CETP: variants seen among roughly 807,000 people sequenced by gnomAD.
CETP encodes cholesteryl ester transfer protein, also known as BPI fold containing family F.
In CETP, 56 loss-of-function variants were observed where a neutral mutation model predicts 66.5. That is an observed-to-expected ratio of 0.84 (90% confidence interval 0.68 to 1.05). The LOEUF (loss-of-function observed/expected upper bound fraction) is 1.05. CETP is among the 50% of genes least tolerant of loss of function. CETP has a pLI of 0.00. For missense variants in CETP, 612 were observed against 609.6 expected (o/e 1.00, Z -0.04); for synonymous variants, 251 against 245.7 (o/e 1.02, Z -0.20).
chr16:56,974,417 C>T (rs2056135278), intron 9 of CETP, among the ~76,000 whole-genome samples: 1 of 152,152 alleles, frequency 6.6e-6, no homozygotes, highest in African/African-American at 2.4e-5. Flanking sequence ...CCACTGCACT[C>T]CAGTGTGGGT....
chr16:56,970,753 A>T (rs745564724), intron 5 of CETP, among the ~76,000 whole-genome samples: 1 of 152,176 alleles, frequency 6.6e-6, no homozygotes, highest in Non-Finnish European at 1.5e-5. Flanking sequence ...GAGCAGACGG[A>T]TACATGTATG....
At chr16:56,981,263 G>T (rs555830445) in intron 12 of CETP, 38 bp downstream of exon 12, 10 of 1,501,610 alleles carry the variant, frequency 6.7e-6, no homozygotes, top group Non-Finnish European at 9.3e-6. Context: ...GGTCAACTCC[G>T]CAAACCTCTC....
intron 2 of CETP, among the ~76,000 whole-genome samples, chr16:56,965,475 T>C (rs1440820603): frequency 6.6e-6 from 1 of 152,196 alleles, no homozygotes; most frequent in African/African-American, 2.4e-5. Flanking sequence ...TAGTGGCTTA[T>C]AATATGGGAT....
chr16:56,975,188 C>T (rs759763897), intron 10 of CETP, 37 bp downstream of exon 10: 120 of 1,592,238 alleles, frequency 7.5e-5, no homozygotes, highest in Non-Finnish European at 9.5e-5. Context: ...GTTTATCTCA[C>T]GTACCCCAAT....
chr16:56,963,958 C>T (rs1450569836), intron 2 of CETP, among the ~76,000 whole-genome samples: 1 of 150,002 alleles, frequency 6.7e-6, no homozygotes, highest in Non-Finnish European at 1.5e-5. Flanking sequence ...CGTGAGCCAC[C>T]ACGCCTGGCC....
In CETP at chr16:56,963,018, G is replaced by C; in HGVS notation, c.127G>C (p.Glu43Gln). The C allele has an allele frequency of 6.2e-7, 1 of 1,614,044 alleles. No individual in the cohort carries two copies. Among genetic ancestry groups the C allele is most frequent in the Non-Finnish European group, 8.5e-7 (1 of 1,179,934 alleles). The change falls in exon 2 of 16, where the codon GAG (glutamate) becomes CAG (glutamine). Residue 43 changes from glutamate (E) to glutamine (Q), a missense_variant. Glu to Gln is a conservative substitution (Grantham distance 29). Transcript: ENST00000200676. ...ACTGCCCTCCCCTCTAGTGAACCAC[G>C]AGACTGCCAAGGTGATCCAGACCGC... ...TKPALLVLNHETAKVIQTAFQ... is the reference protein window; with the variant it reads ...TKPALLVLNHQTAKVIQTAFQ...
chr16:56,963,142 T>C lies in CETP; in HGVS notation c.233+18T>C, dbSNP rs960051613. On this transcript the variant is annotated intron_variant, in intron 2 of 15. Coordinates refer to ENST00000200676, the MANE Select transcript of CETP (RefSeq NM_000078.3). ...TTGCACAAGTGAGTCGGGCCTCGGG[T>C]GTGACCAGGCTGGGGGTAGGGAGGC... 6.2e-7 allele frequency: 1 copy of C among 1,601,256 alleles called. No homozygotes were observed. Among genetic ancestry groups the C allele is most frequent in the African/African-American group, 1.3e-5 (1 of 74,564 alleles).
chr16:56,981,621 A>G, intron 12 of CETP, 26 bp from the exon 13 acceptor site: 1 of 1,613,788 alleles, frequency 6.2e-7, no homozygotes. Context: ...ATGGAGGGTC[A>G]AATTATCATC....
intron 2 of CETP, 70 bp downstream of exon 2, chr16:56,963,194 C>T: frequency 7.8e-7 from 1 of 1,284,830 alleles, no homozygotes; most frequent in Non-Finnish European, 1.1e-6. Flanking sequence ...GGCTTGCCCC[C>T]AGCCCACAGG....
At chr16:56,967,362 AC>A (rs200751500) in intron 2 of CETP, among the ~76,000 whole-genome samples, 35,765 of 149,706 alleles carry the variant, frequency 0.24, 4,944 homozygotes, top group Non-Finnish European at 0.32. Context: ...AAACAAACAA[AC>A]AAAAAAAACG....
chr16:56,978,218 C>T lies in CETP; in HGVS notation c.1109C>T (p.Pro370Leu). The T allele has an allele frequency of 6.2e-7, 1 of 1,614,216 alleles. No individual in the cohort carries two copies. The highest frequency in any genetic ancestry group is 8.5e-7 in the Non-Finnish European group (1 of 1,180,038). Residue 370 changes from proline (P) to leucine (L), a missense_variant, in exon 11 of 16, where the codon CCA becomes CTA. Pro to Leu is a moderately conservative substitution (Grantham distance 98, BLOSUM62 -3). Transcript: ENST00000200676. ...ATGGTGAAATTCCTCTTTCCACGCC[C>T]AGACCAGCAACATTCTGTAGCTTAC... is the stretch of plus-strand genomic sequence containing the variant. Reference protein sequence around the residue: ...SVMVKFLFPRPDQQHSVAYTF... With the variant: ...SVMVKFLFPRLDQQHSVAYTF...
At chr16:56,962,500 G>T (rs2056031300) in intron 1 of CETP, 1 of 419,128 alleles carries the variant, frequency 2.4e-6, no homozygotes, top group East Asian at 6.3e-5. Flanking sequence ...ATGAGCTCAG[G>T]TGACGGAGGC....
chr16:56,968,729 CTTT>C (rs201835654), intron 2 of CETP, among the ~76,000 whole-genome samples: 4 of 126,942 alleles, frequency 3.2e-5, no homozygotes, highest in East Asian at 2.3e-4. Flanking sequence ...GAGTCTTCTT[CTTT>C]TTTTTTTTTT....
chr16:56,980,427 C>T (rs17231869), intron 11 of CETP, among the ~76,000 whole-genome samples: 2,845 of 152,272 alleles, frequency 0.019, 98 homozygotes, highest in African/African-American at 0.064. Flanking sequence ...CCACCTTGGC[C>T]TCCCAAAGTG....
At chr16:56,962,439 G>C in intron 1 of CETP, 1 of 566,514 alleles carries the variant, frequency 1.8e-6, no homozygotes, top group Non-Finnish European at 3.4e-6. Flanking sequence ...TTAGGAGGTT[G>C]GTGTATATTT....
At position 56,981,199 on chromosome 16, in the gene CETP, G is replaced by A. The variant is rs2056184835; in HGVS notation, c.1188G>A (p.Lys396=). 1.1e-5 allele frequency: 18 copies of A among 1,613,920 alleles called. No homozygotes were observed. The highest frequency in any genetic ancestry group is 1.5e-5 in the Non-Finnish European group (18 of 1,179,764). The change falls in exon 12 of 16, where the codon AAG becomes AAA. Residue 396 remains lysine (K), a synonymous_variant. Transcript: ENST00000200676. ...TTVQASYSKK[K]LFLSLLDFQI... ...TCCAGGCCTCCTATTCTAAGAAAAAGCTCTTCTTAAGCCTCTTGGATTTCC... is the reference window on the plus strand; with the variant it reads ...TCCAGGCCTCCTATTCTAAGAAAAAACTCTTCTTAAGCCTCTTGGATTTCC...
intron 1 of CETP, chr16:56,962,305 G>A: frequency 2.7e-6 from 2 of 739,238 alleles, no homozygotes; most frequent in East Asian, 2.5e-5. Context: ...TGGTGAGAAG[G>A]TCCTAGCTGC....
intron 2 of CETP, among the ~76,000 whole-genome samples, chr16:56,965,606 G>C (rs2056060329): frequency 6.6e-6 from 1 of 152,178 alleles, no homozygotes; most frequent in Non-Finnish European, 1.5e-5. Context: ...TACCTCGTGG[G>C]TAGCTGTGAG....
intron 2 of CETP, among the ~76,000 whole-genome samples, chr16:56,963,725 A>C (rs777604379): frequency 3.3e-5 from 5 of 152,154 alleles, no homozygotes; most frequent in Non-Finnish European, 7.4e-5. Context: ...GCTGGAGTGC[A>C]GTGGCACAAT....
Sources: allele counts gnomAD v4.1 joint callset (sites outside exome capture counted in the v4.1 genomes callset), GRCh38; gene constraint gnomAD v4.1.1; transcripts MANE v1.5; gene names NCBI Gene and HGNC (gene_info 2026-07-23, HGNC 2026-07-21).